CADPS2: variants seen among roughly 807,000 people sequenced by gnomAD.
CADPS2 encodes the protein calcium-dependent secretion activator 2.
Under a neutral mutation model 172.5 loss-of-function variants are expected in CADPS2, and 93 were observed. The observed-to-expected ratio is 0.54, with a 90% CI of 0.46 to 0.64. The LOEUF (loss-of-function observed/expected upper bound fraction) is 0.64, where lower values mean the gene tolerates loss of function less well. Ranked by LOEUF, CADPS2 falls within the 30% of genes least tolerant of loss-of-function variation. The pLI, the probability that CADPS2 is intolerant of heterozygous loss-of-function variation, is 0.00. For synonymous variants in CADPS2, 546 were observed against 555.2 expected (o/e 0.98, Z 0.23); for missense variants, 1,420 against 1,565.9 (o/e 0.91, Z 1.57).
chr7:122,431,515 A>T (rs1267634505), intron 17 of CADPS2, among the ~76,000 whole-genome samples: 1 of 152,124 alleles, frequency 6.6e-6, no homozygotes, highest in East Asian at 1.9e-4. Flanking sequence ...AAACAAAAAG[A>T]TTTTAGCCCA....
intron 1 of CADPS2, among the ~76,000 whole-genome samples, chr7:122,836,395 C>T (rs1180527004): frequency 1.3e-5 from 2 of 151,692 alleles, no homozygotes; most frequent in Non-Finnish European, 2.9e-5. Flanking sequence ...AGCCAGCTAA[C>T]ATCATAATGA....
At chr7:122,792,797 A>G (rs1029529597) in intron 1 of CADPS2, among the ~76,000 whole-genome samples, 1 of 152,212 alleles carries the variant, frequency 6.6e-6, no homozygotes, top group African/African-American at 2.4e-5. Flanking sequence ...CTAGGCCAAG[A>G]AACAGCTAAC....
At chr7:122,870,393 A>T (rs921978698) in intron 1 of CADPS2, among the ~76,000 whole-genome samples, 1 of 152,102 alleles carries the variant, frequency 6.6e-6, no homozygotes, top group Non-Finnish European at 1.5e-5. Context: ...GGGTCAATTC[A>T]TCAAAAAGTT....
intron 22 of CADPS2, among the ~76,000 whole-genome samples, chr7:122,391,677 T>C (rs1389011607): frequency 6.6e-6 from 1 of 152,144 alleles, no homozygotes; most frequent in Middle Eastern, 3.2e-3. Flanking sequence ...GTATTATGAA[T>C]GCAGTTATGA....
intron 25 of CADPS2, among the ~76,000 whole-genome samples, chr7:122,374,315 C>G (rs189802611): frequency 6.6e-6 from 1 of 151,986 alleles, no homozygotes; most frequent in African/African-American, 2.4e-5. Flanking sequence ...GAAAAAATAA[C>G]TTTTTTCTCT....
intron 1 of CADPS2, among the ~76,000 whole-genome samples, chr7:122,788,234 A>T (rs1030089429): frequency 1.3e-5 from 2 of 152,196 alleles, no homozygotes; most frequent in Admixed American, 6.5e-5. Flanking sequence ...TCACTGGGAA[A>T]CTTTGTGCTC....
intron 24 of CADPS2, among the ~76,000 whole-genome samples, chr7:122,385,778 G>T (rs1374378058): frequency 3.9e-5 from 6 of 152,036 alleles, no homozygotes; most frequent in Admixed American, 1.3e-4. Flanking sequence ...TGGTGGGCTT[G>T]TACCTCACTG....
chr7:122,323,059 T>C (rs150262989), intron 29 of CADPS2, among the ~76,000 whole-genome samples: 1 of 152,230 alleles, frequency 6.6e-6, no homozygotes, highest in Non-Finnish European at 1.5e-5. Flanking sequence ...ATGATCATTA[T>C]AAGCAAAACC....
At chr7:122,851,907 T>C (rs1182557741) in intron 1 of CADPS2, among the ~76,000 whole-genome samples, 2 of 152,184 alleles carry the variant, frequency 1.3e-5, no homozygotes, top group Non-Finnish European at 1.5e-5. Flanking sequence ...GAGCCCTTAC[T>C]GTATAGACTA....
At chr7:122,744,018 T>C (rs546358247) in intron 1 of CADPS2, among the ~76,000 whole-genome samples, 14 of 152,356 alleles carry the variant, frequency 9.2e-5, no homozygotes, top group African/African-American at 2.6e-4. Context: ...TGAATAAATA[T>C]GCCCATCTAA....
chr7:122,388,452 T>C, intron 23 of CADPS2, 131 bp downstream of exon 23: 1 of 944,990 alleles, frequency 1.1e-6, no homozygotes, highest in Non-Finnish European at 1.5e-6. Flanking sequence ...GATAACCTAA[T>C]ACTCATTAAA....
chr7:122,421,236 G>A (rs902067949), intron 17 of CADPS2: 6 of 152,136 alleles, frequency 3.9e-5, no homozygotes, highest in Non-Finnish European at 7.4e-5. Context: ...CCTACATGAT[G>A]ATTTATGTAT....
At chr7:122,517,780 AGATGGGTAATCTTTTT>A (rs1338111090) in intron 8 of CADPS2, among the ~76,000 whole-genome samples, 27 of 152,024 alleles carry the variant, frequency 1.8e-4, no homozygotes, top group African/African-American at 6.3e-4. Flanking sequence ...AATTCCTTGT[AGATGGGTAATCTTTTT>A]ACCTCAGAAG....
chr7:122,631,677 A>G (rs563457611), intron 3 of CADPS2, among the ~76,000 whole-genome samples: 36 of 148,122 alleles, frequency 2.4e-4, no homozygotes, highest in Middle Eastern at 3.5e-3. Flanking sequence ...GAGCACTGGG[A>G]CACTACATTG....
At chr7:122,469,450 G>A (rs182000267) in intron 14 of CADPS2, among the ~76,000 whole-genome samples, 16 of 152,220 alleles carry the variant, frequency 1.1e-4, no homozygotes, top group Admixed American at 7.8e-4. Flanking sequence ...GTCAGGAGAC[G>A]AGACAGTTTT....
At chr7:122,730,623 T>C (rs1419857808) in intron 2 of CADPS2, among the ~76,000 whole-genome samples, 4 of 151,840 alleles carry the variant, frequency 2.6e-5, no homozygotes, top group African/African-American at 7.2e-5. Context: ...TATTAAAGTA[T>C]GCTAATGTCA....
chr7:122,369,126 TTCCCC>T (rs1421147115), intron 25 of CADPS2, among the ~76,000 whole-genome samples: 3,992 of 58,830 alleles, frequency 0.068, 284 homozygotes, highest in African/African-American at 0.2. Flanking sequence ...GAATTTTTGT[TTCCCC>T]CCCCCCCCCC....
rs149473082 is a variant in CADPS2 at position 122,782,136 on chromosome 7, G to A, written c.340-45068C>T. Among the ~76,000 whole-genome samples, 294 of 152,214 alleles carry A rather than the reference G, an allele frequency of 1.9e-3. 6 individuals carry two copies. Among genetic ancestry groups the A allele is most frequent in the Admixed American group, 0.015 (228 of 15,288 alleles). ...ATGCTTAGTGTGAGAATAAAGAAAA[G>A]CTATTGATATTGTGTATTTACCTTA... is the stretch of plus-strand genomic sequence containing the variant. On this transcript the variant is annotated intron_variant, in intron 1 of 29. Transcript: ENST00000449022.
chr7:122,663,210 G>A (rs1383566922), intron 3 of CADPS2, 27 bp downstream of exon 3: 1 of 1,496,300 alleles, frequency 6.7e-7, no homozygotes, highest in Non-Finnish European at 9.2e-7. Flanking sequence ...TCAGACAGGG[G>A]AAGGGAAAAT....
Sources: gnomAD v4.1 joint callset for allele counts (sites outside exome capture counted in the v4.1 genomes callset) on GRCh38, gnomAD v4.1.1 for gene constraint, MANE v1.5 for transcripts, NCBI Gene and HGNC (gene_info 2026-07-23, HGNC 2026-07-21) for gene names.